The following SYT1 variants were observed in gnomAD, a reference collection of about 807,000 sequenced individuals.
SYT1 encodes the protein synaptotagmin-1.
Under a neutral mutation model 44.8 loss-of-function variants are expected in SYT1, and 8 were observed. The observed-to-expected ratio is 0.18, with a 90% CI of 0.10 to 0.32. The LOEUF (loss-of-function observed/expected upper bound fraction) is 0.32. SYT1 is among the 10% of genes least tolerant of loss of function. The pLI is 1.00. For synonymous variants in SYT1, 154 were observed against 188.8 expected, an observed-to-expected ratio of 0.82 and a Z score of 1.51; for missense variants, 286 against 509.3, an observed-to-expected ratio of 0.56 and a Z score of 4.22.
At chr12:79,430,201 T>C (rs948798694) in intron 9 of SYT1, among the ~76,000 whole-genome samples, 1 of 152,210 alleles carries the variant, frequency 6.6e-6, no homozygotes, top group African/African-American at 2.4e-5. Flanking sequence ...TAAAACTTGT[T>C]TGTACTCCCT....
intron 9 of SYT1, among the ~76,000 whole-genome samples, chr12:79,376,086 C>A (rs1168571906): frequency 6.6e-6 from 1 of 152,136 alleles, no homozygotes; most frequent in Non-Finnish European, 1.5e-5. Flanking sequence ...CATGGCTTTT[C>A]CTTCTTCCAC....
intron 8 of SYT1, among the ~76,000 whole-genome samples, chr12:79,311,000 G>C (rs199712057): frequency 6.4e-4 from 97 of 152,092 alleles, no homozygotes; most frequent in South Asian, 1.9e-3. Flanking sequence ...AATTGAATAC[G>C]CTTTATTTCC....
At chr12:78,951,555 A>G (rs1190912996) in intron 1 of SYT1, among the ~76,000 whole-genome samples, 1 of 152,166 alleles carries the variant, frequency 6.6e-6, no homozygotes, top group Non-Finnish European at 1.5e-5. Context: ...GGTATCTAAT[A>G]ACATAAAAAT....
chr12:78,916,740 A>G (rs1291006295), intron 1 of SYT1, among the ~76,000 whole-genome samples: 1 of 152,028 alleles, frequency 6.6e-6, no homozygotes, highest in Non-Finnish European at 1.5e-5. Flanking sequence ...TATTGAAACC[A>G]TAGTGTTTAC....
chr12:78,972,531 A>C (rs962417185), intron 1 of SYT1, among the ~76,000 whole-genome samples: 5 of 131,182 alleles, frequency 3.8e-5, no homozygotes, highest in Admixed American at 1.5e-4. Flanking sequence ...TTTCTCAGCA[A>C]AAAAAAAATA....
In SYT1 at chr12:79,179,861, A is replaced by G. The variant is rs981454492; in HGVS notation, c.-17-37642A>G. ...AACAATGTATATTGAAACTAACTTT[A>G]CACTTGAAAAAGTTTTAGACTTACA... On this transcript the variant is annotated intron_variant, in intron 3 of 10. Coordinates refer to ENST00000261205, the MANE Select transcript of SYT1 (RefSeq NM_005639.3). Among the ~76,000 whole-genome samples the G allele has an allele frequency of 3.3e-5, 5 of 152,130 alleles. No homozygotes were observed. In the East Asian group the frequency reaches 9.7e-4, roughly 29 times the overall value.
chr12:78,977,993 A>C (rs1868969330), intron 2 of SYT1, 62 bp downstream of exon 2: 1 of 152,196 alleles, frequency 6.6e-6, no homozygotes, highest in African/African-American at 2.4e-5. Flanking sequence ...TTATCCATCC[A>C]TATCTTTTTA....
At chr12:79,108,483 T>A (rs1194366802) in intron 3 of SYT1, among the ~76,000 whole-genome samples, 2 of 152,038 alleles carry the variant, frequency 1.3e-5, no homozygotes, top group Non-Finnish European at 2.9e-5. Flanking sequence ...GAAAGCTTTT[T>A]TATCTCTGTA....
intron 9 of SYT1, among the ~76,000 whole-genome samples, chr12:79,435,598 TC>T (rs1322145029): frequency 2.0e-5 from 3 of 152,188 alleles, no homozygotes; most frequent in African/African-American, 7.2e-5. Context: ...TGTTCTGCTG[TC>T]CTGCTAGGGT....
chr12:79,204,853 G>A (rs1419109277), intron 3 of SYT1, among the ~76,000 whole-genome samples: 1 of 109,864 alleles, frequency 9.1e-6, no homozygotes, highest in Non-Finnish European at 1.8e-5. Context: ...GTGCAATCTC[G>A]GCTCACTGCA....
intron 3 of SYT1, among the ~76,000 whole-genome samples, chr12:79,139,024 T>C (rs1869383174): frequency 6.6e-6 from 1 of 152,216 alleles, no homozygotes; most frequent in African/African-American, 2.4e-5. Context: ...GGCATTTCCT[T>C]CGCCTCAGCC....
intron 1 of SYT1, 47 bp from the exon 2 acceptor site, chr12:78,977,752 T>A (rs993454804): frequency 3.3e-5 from 5 of 152,134 alleles, no homozygotes; most frequent in African/African-American, 1.2e-4. Flanking sequence ...GTGTGCAGAG[T>A]TGCAGGCTAG....
At chr12:78,912,393 T>C (rs1311600328) in intron 1 of SYT1, among the ~76,000 whole-genome samples, 1 of 151,876 alleles carries the variant, frequency 6.6e-6, no homozygotes, top group Non-Finnish European at 1.5e-5. Flanking sequence ...GAGAATAGCA[T>C]TGAGAGGACA....
At chr12:79,249,282 T>C (rs1468957134) in intron 4 of SYT1, among the ~76,000 whole-genome samples, 1 of 151,416 alleles carries the variant, frequency 6.6e-6, no homozygotes, top group Non-Finnish European at 1.5e-5. Flanking sequence ...TTTTTTGTAT[T>C]TTTAGTAGAG....
At chr12:79,189,905 A>G (rs774094758) in intron 3 of SYT1, among the ~76,000 whole-genome samples, 1 of 152,280 alleles carries the variant, frequency 6.6e-6, no homozygotes, top group Non-Finnish European at 1.5e-5. Context: ...CTGTGTCTCA[A>G]AAAAATAAAT....
At chr12:79,337,253 G>A (rs1412649395) in intron 8 of SYT1, among the ~76,000 whole-genome samples, 1 of 152,188 alleles carries the variant, frequency 6.6e-6, no homozygotes, top group African/African-American at 2.4e-5. Flanking sequence ...CAGAACTCAG[G>A]TCTGCTGGGC....
chr12:78,971,428 G>T (rs974801481), intron 1 of SYT1, among the ~76,000 whole-genome samples: 23 of 152,256 alleles, frequency 1.5e-4, no homozygotes, highest in African/African-American at 5.5e-4. Flanking sequence ...CATAGTCTGT[G>T]TTGAGATTTT....
At chr12:79,265,937 C>G (rs1334253589) in intron 4 of SYT1, among the ~76,000 whole-genome samples, 1 of 152,126 alleles carries the variant, frequency 6.6e-6, no homozygotes, top group Non-Finnish European at 1.5e-5. Flanking sequence ...ACAATTGAGT[C>G]TTTCTGTCAT....
intron 4 of SYT1, among the ~76,000 whole-genome samples, chr12:79,265,786 A>G (rs1379001244): frequency 1.3e-5 from 2 of 152,180 alleles, no homozygotes; most frequent in African/African-American, 2.4e-5. Flanking sequence ...GAAAAAAACT[A>G]TAAATGAAAG....
Sources: allele counts gnomAD v4.1 joint callset (sites outside exome capture counted in the v4.1 genomes callset), GRCh38; gene constraint gnomAD v4.1.1; transcripts MANE v1.5; gene names NCBI Gene and HGNC (gene_info 2026-07-23, HGNC 2026-07-21).